The following PKHD1 variants were observed in gnomAD, a reference collection of about 807,000 sequenced individuals.
The protein encoded by PKHD1 is fibrocystin.
A neutral mutation model predicts 412.0 loss-of-function variants in PKHD1; 291 were observed. The observed-to-expected ratio is 0.71, with a 90% CI of 0.64 to 0.78. The LOEUF (loss-of-function observed/expected upper bound fraction) is 0.78, where lower values mean the gene tolerates loss of function less well. PKHD1 is among the 30% of genes least tolerant of loss of function. PKHD1 has a pLI of 0.00. For synonymous variants in PKHD1, 1,777 were observed against 1,821.5 expected (o/e 0.98, Z 0.62); for missense variants, 4,825 against 4,950.7 (o/e 0.97, Z 0.76).
intron 52 of PKHD1, among the ~76,000 whole-genome samples, chr6:51,820,073 C>T (rs1766121688): frequency 6.6e-6 from 1 of 152,228 alleles, no homozygotes; most frequent in South Asian, 2.1e-4. Flanking sequence ...AGATCACTTA[C>T]ATAGCTGGAA....
intron 64 of PKHD1, among the ~76,000 whole-genome samples, chr6:51,635,382 T>C (rs1240891371): frequency 6.6e-6 from 1 of 152,162 alleles, no homozygotes; most frequent in African/African-American, 2.4e-5. Flanking sequence ...GGCTCTCAAT[T>C]ATCTTAGCAT....
chr6:51,804,832 C>A (rs774534168), intron 52 of PKHD1, among the ~76,000 whole-genome samples: 2 of 152,054 alleles, frequency 1.3e-5, no homozygotes, highest in East Asian at 3.9e-4. Flanking sequence ...CAATGAGATA[C>A]CATCTCACAC....
Position 52,085,121 on chromosome 6 carries a change from C to T in PKHD1, c.-84-104G>A. On this transcript the variant is annotated intron_variant, in intron 1 of 66. Transcript: ENST00000371117. ...AATTAAGGAGATGAGATAAACATGGCCTTAGTGTCTTCAAATGGAGCCACC... is the reference window on the plus strand; with the variant it reads ...AATTAAGGAGATGAGATAAACATGGTCTTAGTGTCTTCAAATGGAGCCACC... The T allele has an allele frequency of 5.3e-6, 3 of 571,308 alleles. 1 individual carries two copies. The highest frequency in any genetic ancestry group is 3.8e-5 in the African/African-American group (2 of 53,118). 35.4% of individuals were successfully genotyped at this position (571,308 alleles called of 1,614,324 possible).
intron 29 of PKHD1, among the ~76,000 whole-genome samples, chr6:52,030,897 A>G (rs1202448598): frequency 6.6e-6 from 1 of 152,214 alleles, no homozygotes; most frequent in East Asian, 1.9e-4. Context: ...TATTTTGGCT[A>G]CGCTGAAAAC....
At position 51,746,935 on chromosome 6, in the gene PKHD1, A is replaced by C. The variant is rs200125913; in HGVS notation, c.9830-46T>G. 543 of 1,122,066 alleles carry C rather than the reference A, an allele frequency of 4.8e-4. 8 individuals carry two copies. Among genetic ancestry groups the C allele is most frequent in the Admixed American group, 5.8e-4 (28 of 48,292 alleles). The allele number at this position is 1,122,066 out of a possible 1,614,324, so 69.5% of individuals were successfully genotyped here. ...ATCATAATATTATATCATATAAACC[A>C]CCAGCCACAAATATCGAATATACAA... On this transcript the variant is annotated intron_variant, in intron 58 of 66. Transcript: ENST00000371117.
intron 52 of PKHD1, among the ~76,000 whole-genome samples, chr6:51,805,469 C>G (rs1763623842): frequency 6.6e-6 from 1 of 152,176 alleles, no homozygotes; most frequent in Non-Finnish European, 1.5e-5. Flanking sequence ...ATATCCCAAA[C>G]CTCAGCGTTA....
At chr6:52,045,482 G>T (rs752258335) in intron 24 of PKHD1, among the ~76,000 whole-genome samples, 2 of 152,126 alleles carry the variant, frequency 1.3e-5, no homozygotes, top group Non-Finnish European at 2.9e-5. Flanking sequence ...CTAGAATTTC[G>T]ATTGAAAACC....
At chr6:51,944,147 G>T (rs935735663) in intron 36 of PKHD1, among the ~76,000 whole-genome samples, 3 of 151,932 alleles carry the variant, frequency 2.0e-5, no homozygotes, top group South Asian at 4.1e-4. Context: ...GAAATGGCCA[G>T]TCCTTGCCTA....
In PKHD1 at chr6:51,617,224, C is replaced by T. The variant is rs1466241328; in HGVS notation, c.*1857G>A. ...TTCTGAAATGTTTTTTTCCAAAAAGCTTACGGCTCTTTGAGGATCCAATGA... is the reference window on the plus strand; with the variant it reads ...TTCTGAAATGTTTTTTTCCAAAAAGTTTACGGCTCTTTGAGGATCCAATGA... On this transcript the variant is annotated 3_prime_UTR_variant, in exon 67 of 67. Coordinates refer to ENST00000371117, the MANE Select transcript of PKHD1 (RefSeq NM_138694.4). 1 of 152,168 alleles carries T rather than the reference C, an allele frequency of 6.6e-6. No homozygotes were observed. Among genetic ancestry groups the T allele is most frequent in the Admixed American group, 6.6e-5 (1 of 15,266 alleles). 9.4% of individuals were successfully genotyped at this position (152,168 alleles called of 1,614,324 possible). A position where few individuals can be genotyped will look rare whatever the true frequency, so the allele number is the denominator to read the frequency against.
intron 34 of PKHD1, among the ~76,000 whole-genome samples, chr6:52,015,965 A>G (rs188752499): frequency 7.2e-5 from 11 of 152,332 alleles, no homozygotes; most frequent in Admixed American, 1.3e-4. Flanking sequence ...GCCATCCCAT[A>G]CAATGAAGAG....
chr6:51,702,961 A>C (rs978666096), intron 60 of PKHD1, among the ~76,000 whole-genome samples: 27 of 142,866 alleles, frequency 1.9e-4, no homozygotes, highest in African/African-American at 6.6e-4. Context: ...AGTTTGTTCT[A>C]GATAACAAGG....
In PKHD1 at chr6:51,939,000, C is replaced by T. The variant is rs1181400953; in HGVS notation, c.5909-4678G>A. On this transcript the variant is annotated intron_variant, in intron 36 of 66. Coordinates refer to ENST00000371117, the MANE Select transcript of PKHD1 (RefSeq NM_138694.4). ...ATCCATGGACCCAAAACTCTGGCGC[C>T]AGTCACGGACTCAGGAAGACAGTCT... Among the ~76,000 whole-genome samples, 3 of 151,590 alleles carry T rather than the reference C, an allele frequency of 2.0e-5. 1 individual carries two copies. Among genetic ancestry groups the T allele is most frequent in the African/African-American group, 7.2e-5 (3 of 41,386 alleles).
rs1251410099 is a variant in PKHD1, at chr6:51,959,809, T to TC, written c.5908+60dup. 4.2e-6 allele frequency: 6 copies of TC among 1,426,688 alleles called. No individual in the cohort carries two copies. In the Admixed American group the frequency reaches 1.0e-4, roughly 24 times the overall value. The allele number at this position is 1,426,688 out of a possible 1,614,324, so 88.4% of individuals were successfully genotyped here. ...TTATCCAGAAAGTTTCCCTCCTCCA[T>TC]CCCCCCTACAAGTGATATAATCATA... On this transcript the variant is annotated intron_variant, in intron 36 of 66. Coordinates refer to ENST00000371117, the MANE Select transcript of PKHD1 (RefSeq NM_138694.4).
chr6:51,695,929 T>C (rs1192718916), intron 60 of PKHD1, among the ~76,000 whole-genome samples: 5 of 152,144 alleles, frequency 3.3e-5, no homozygotes, highest in Non-Finnish European at 7.4e-5. Context: ...CAAAGTGAAA[T>C]TTTGAGGTAA....
chr6:51,770,995 T>C (rs757818009), intron 55 of PKHD1, among the ~76,000 whole-genome samples: 1 of 152,100 alleles, frequency 6.6e-6, no homozygotes, highest in Non-Finnish European at 1.5e-5. Context: ...GAGATTTCTT[T>C]GGGGAAGAAG....
At chr6:51,842,666 T>C (rs1340877323) in intron 50 of PKHD1, among the ~76,000 whole-genome samples, 2 of 152,136 alleles carry the variant, frequency 1.3e-5, no homozygotes, top group Admixed American at 6.5e-5. Flanking sequence ...AGCATAGCCC[T>C]CCCTAGCAGC....
chr6:52,027,910 G>T lies in PKHD1; in HGVS notation c.3561-14C>A. The T allele has an allele frequency of 6.2e-7, 1 of 1,600,116 alleles. No individual in the cohort carries two copies. Among genetic ancestry groups the T allele is most frequent in the Non-Finnish European group, 8.6e-7 (1 of 1,167,180 alleles). On this transcript the variant is annotated splice_polypyrimidine_tract_variant and intron_variant, in intron 30 of 66. Coordinates refer to ENST00000371117, the MANE Select transcript of PKHD1 (RefSeq NM_138694.4). Reference sequence around the variant, plus strand: ...TGGAGATCAACCCTACAGAAGATAGGCAGATGTTTAGGAAATAACTGACAG... The same window carrying T: ...TGGAGATCAACCCTACAGAAGATAGTCAGATGTTTAGGAAATAACTGACAG...
At chr6:51,759,782 G>A (rs1000413576) in intron 55 of PKHD1, among the ~76,000 whole-genome samples, 18 of 152,048 alleles carry the variant, frequency 1.2e-4, no homozygotes, top group Non-Finnish European at 2.6e-4. Flanking sequence ...GCAATGTATT[G>A]TTACTCACAT....
At chr6:52,070,860 A>T in intron 9 of PKHD1, 146 bp downstream of exon 9, 1 of 686,070 alleles carries the variant, frequency 1.5e-6, no homozygotes, top group East Asian at 2.7e-5. Flanking sequence ...TGTTTCATAT[A>T]GTAGTATTTT....
Sources: gnomAD v4.1 joint callset for allele counts (sites outside exome capture counted in the v4.1 genomes callset) on GRCh38, gnomAD v4.1.1 for gene constraint, MANE v1.5 for transcripts, NCBI Gene and HGNC (gene_info 2026-07-23, HGNC 2026-07-21) for gene names.